The following KCNH5 variants were observed in gnomAD, a reference collection of about 807,000 sequenced individuals.
KCNH5 encodes voltage-gated delayed rectifier potassium channel KCNH5.
Under a neutral mutation model 96.1 loss-of-function variants are expected in KCNH5, and 46 were observed. That is an observed-to-expected ratio of 0.48 (90% confidence interval 0.38 to 0.61). KCNH5 has a LOEUF of 0.61. Among genes scored for constraint, KCNH5 ranks in the 20% least tolerant of loss-of-function variants. The probability of loss-of-function intolerance (pLI) is 0.00; values close to 1 mark genes in which losing one functional copy is unlikely to be tolerated. For synonymous variants in KCNH5, 439 were observed against 449.8 expected, an observed-to-expected ratio of 0.98 and a Z score of 0.30; for missense variants, 907 against 1,225.8, an observed-to-expected ratio of 0.74 and a Z score of 3.88.
chr14:62,798,341 G>T (rs1886582042), intron 9 of KCNH5, among the ~76,000 whole-genome samples: 2 of 152,274 alleles, frequency 1.3e-5, no homozygotes, highest in South Asian at 2.1e-4. Context: ...ACGGTCTATT[G>T]TTAGCAGGGA....
intron 6 of KCNH5, among the ~76,000 whole-genome samples, chr14:62,978,736 TAAAC>T (rs1890549840): frequency 6.6e-6 from 1 of 152,016 alleles, no homozygotes; most frequent in Admixed American, 6.6e-5. Context: ...AATGTATTAT[TAAAC>T]AATATATTTA....
At chr14:62,715,878 G>T (rs1186372436) in intron 10 of KCNH5, among the ~76,000 whole-genome samples, 3 of 152,118 alleles carry the variant, frequency 2.0e-5, no homozygotes, top group African/African-American at 7.2e-5. Flanking sequence ...GATAGGGAAG[G>T]AATATCTTTT....
chr14:62,862,449 G>A (rs941883274), intron 7 of KCNH5, among the ~76,000 whole-genome samples: 5 of 152,028 alleles, frequency 3.3e-5, no homozygotes, highest in African/African-American at 9.7e-5. Flanking sequence ...CCCTTGTGGT[G>A]GGTTTAAAAA....
At chr14:62,775,461 T>C (rs1886076461) in intron 10 of KCNH5, among the ~76,000 whole-genome samples, 1 of 152,162 alleles carries the variant, frequency 6.6e-6, no homozygotes, top group South Asian at 2.1e-4. Context: ...AAAAAAAATA[T>C]GAGGACTAAG....
chr14:63,025,839 T>C (rs1051377254), intron 1 of KCNH5, among the ~76,000 whole-genome samples: 3 of 147,248 alleles, frequency 2.0e-5, no homozygotes, highest in African/African-American at 5.2e-5. Flanking sequence ...CCCAAAGACA[T>C]GTTTCACAGA....
chr14:62,959,610 T>G (rs145278763), intron 6 of KCNH5, among the ~76,000 whole-genome samples: 1,633 of 152,148 alleles, frequency 0.011, 15 homozygotes, highest in Middle Eastern at 0.037. Flanking sequence ...TCTTATAGAG[T>G]TTCCTAAATT....
intron 1 of KCNH5, among the ~76,000 whole-genome samples, chr14:63,024,208 C>CAAAAAAAAAAA (rs574336970): frequency 8.6e-5 from 12 of 140,266 alleles, no homozygotes; most frequent in East Asian, 2.1e-4. Flanking sequence ...GACTCCATCT[C>CAAAAAAAAAAA]AAAAAATATA....
rs555044823 is a variant in KCNH5, at chr14:62,752,508, G to A, written c.2019+27220C>T. ...TCCTGAAGGATGAGTTCTGGGCCTA[G>A]CAGCATTCACCACAAGCTGAATGAA... On this transcript the variant is annotated intron_variant, in intron 10 of 10. Transcript: ENST00000322893. Among the ~76,000 whole-genome samples, 18 of 152,022 alleles carry A rather than the reference G, an allele frequency of 1.2e-4. No homozygotes were observed. The South Asian group carries it at 3.7e-3, about 32-fold the overall frequency.
intron 6 of KCNH5, among the ~76,000 whole-genome samples, chr14:62,951,734 G>A (rs1205431263): frequency 6.6e-6 from 1 of 152,170 alleles, no homozygotes; most frequent in Non-Finnish European, 1.5e-5. Flanking sequence ...GCCGAGGCAG[G>A]TGGATCACCT....
intron 7 of KCNH5, among the ~76,000 whole-genome samples, chr14:62,947,001 T>C (rs2140127774): frequency 6.6e-6 from 1 of 152,224 alleles, no homozygotes; most frequent in East Asian, 1.9e-4. Context: ...GCAGTTGTAA[T>C]TAAAGAAACC....
intron 9 of KCNH5, among the ~76,000 whole-genome samples, chr14:62,786,394 G>A (rs1886321525): frequency 6.6e-6 from 1 of 151,816 alleles, no homozygotes; most frequent in African/African-American, 2.4e-5. Context: ...TCTTTTTTTA[G>A]TAAGTTTTAT....
intron 10 of KCNH5, among the ~76,000 whole-genome samples, chr14:62,771,365 A>G (rs1283740563): frequency 1.3e-5 from 2 of 152,134 alleles, no homozygotes; most frequent in Non-Finnish European, 2.9e-5. Context: ...GGTGGCTCAC[A>G]CCTGTAATCC....
At chr14:62,798,109 T>C (rs1886577204) in intron 9 of KCNH5, among the ~76,000 whole-genome samples, 1 of 152,180 alleles carries the variant, frequency 6.6e-6, no homozygotes, top group Non-Finnish European at 1.5e-5. Context: ...TTTAATTATG[T>C]TATTCCTGGC....
At chr14:62,940,552 T>C (rs1889767639) in intron 7 of KCNH5, among the ~76,000 whole-genome samples, 1 of 152,222 alleles carries the variant, frequency 6.6e-6, no homozygotes, top group African/African-American at 2.4e-5. Flanking sequence ...GGAAAGCTTT[T>C]TGACATCTTG....
chr14:62,817,798 T>TA (rs1460340769), intron 8 of KCNH5, among the ~76,000 whole-genome samples: 1 of 146,282 alleles, frequency 6.8e-6, no homozygotes, highest in Non-Finnish European at 1.5e-5. Flanking sequence ...ATATATTCTA[T>TA]ATATATTCTA....
chr14:62,909,039 T>A, intron 7 of KCNH5, among the ~76,000 whole-genome samples: 1 of 23,704 alleles, frequency 4.2e-5, no homozygotes, highest in East Asian at 2.3e-3. Flanking sequence ...CGTATTTTTT[T>A]TTTTTTTTTT....
chr14:62,853,456 C>CATATATAT (rs61444088), intron 7 of KCNH5, among the ~76,000 whole-genome samples: 198 of 93,004 alleles, frequency 2.1e-3, no homozygotes, highest in South Asian at 8.5e-3. Context: ...AAAGAATAAT[C>CATATATAT]ATATATATAT....
At chr14:63,036,081 C>T (rs772894159) in intron 1 of KCNH5, among the ~76,000 whole-genome samples, 1 of 152,226 alleles carries the variant, frequency 6.6e-6, no homozygotes, top group Non-Finnish European at 1.5e-5. Context: ...TTACCAGTTA[C>T]CTTGATGATG....
chr14:62,764,797 A>C (rs1299725279), intron 10 of KCNH5, among the ~76,000 whole-genome samples: 2 of 152,178 alleles, frequency 1.3e-5, no homozygotes, highest in Non-Finnish European at 1.5e-5. Context: ...TAAAGTACCC[A>C]AAAACACAGC....
Sources: gnomAD v4.1 joint callset for allele counts (sites outside exome capture counted in the v4.1 genomes callset) on GRCh38, gnomAD v4.1.1 for gene constraint, MANE v1.5 for transcripts, NCBI Gene and HGNC (gene_info 2026-07-23, HGNC 2026-07-21) for gene names.